The following FGFR2 variants were observed in gnomAD, a reference collection of about 807,000 sequenced individuals.
The protein encoded by FGFR2 is fibroblast growth factor receptor 2, also known as BEK fibroblast growth factor receptor.
FGFR2 carries 19 observed loss-of-function variants against 95.9 expected under a neutral mutation model. The ratio of observed to expected loss-of-function variants is 0.20; its 90% CI spans 0.14 to 0.29. The LOEUF (loss-of-function observed/expected upper bound fraction) is 0.29, where lower values mean the gene tolerates loss of function less well. Ranked by LOEUF, FGFR2 falls within the 10% of genes least tolerant of loss-of-function variation. The probability of loss-of-function intolerance (pLI) is 1.00; values close to 1 mark genes in which losing one functional copy is unlikely to be tolerated. For missense variants in FGFR2, 707 were observed against 1,056.9 expected (o/e 0.67, Z 4.59); for synonymous variants, 392 against 393.3 (o/e 1.00, Z 0.04).
chr10:121,557,363 C>T (rs1856300309), intron 4 of FGFR2, among the ~76,000 whole-genome samples: 1 of 152,186 alleles, frequency 6.6e-6, no homozygotes, highest in Non-Finnish European at 1.5e-5. Flanking sequence ...GGCTGCACTG[C>T]AGTGGTACAA....
chr10:121,480,862 C>CG (rs1844583895), intron 17 of FGFR2, among the ~76,000 whole-genome samples: 1 of 151,798 alleles, frequency 6.6e-6, no homozygotes. Flanking sequence ...TGCCCACAGA[C>CG]GACTTTGTAT....
intron 2 of FGFR2, among the ~76,000 whole-genome samples, chr10:121,582,118 G>T (rs1861025566): frequency 1.3e-5 from 2 of 152,004 alleles, no homozygotes; most frequent in East Asian, 1.9e-4. Flanking sequence ...TTTTAGTAGA[G>T]ACCACGTTTC....
chr10:121,562,612 T>G (rs78910127), intron 4 of FGFR2, among the ~76,000 whole-genome samples: 10,753 of 151,602 alleles, frequency 0.071, 1,276 homozygotes, highest in African/African-American at 0.25. Flanking sequence ...GGTAAACGGG[T>G]AAATAAACTT....
intron 2 of FGFR2, among the ~76,000 whole-genome samples, chr10:121,585,885 G>T (rs907530480): frequency 3.3e-5 from 5 of 152,238 alleles, no homozygotes; most frequent in African/African-American, 1.2e-4. Context: ...AGGAGGCTTA[G>T]CAGGACAAGA....
intron 4 of FGFR2, among the ~76,000 whole-genome samples, chr10:121,559,132 A>C (rs1234081162): frequency 1.3e-5 from 2 of 151,014 alleles, no homozygotes; most frequent in African/African-American, 4.8e-5. Flanking sequence ...AAAAAAAAAA[A>C]ACTCAAAAAA....
rs3135753 is a variant in FGFR2 at position 121,521,144 on chromosome 10, T to C, written c.749-975A>G. Among the ~76,000 whole-genome samples the C allele has an allele frequency of 4.0e-3, 605 of 152,354 alleles. 2 individuals carry two copies. Among genetic ancestry groups the C allele is most frequent in the Middle Eastern group, 6.8e-3 (2 of 294 alleles). On this transcript the variant is annotated intron_variant, in intron 6 of 17. Transcript: ENST00000358487. Reference sequence around the variant, plus strand: ...TCAGGTGTTACTCTATGCCAGTTACTAAATGCACAAGTAGATGTTTCTTAG... The same window carrying C: ...TCAGGTGTTACTCTATGCCAGTTACCAAATGCACAAGTAGATGTTTCTTAG...
At chr10:121,551,265 T>A (rs2134826532) in intron 5 of FGFR2, 25 bp downstream of exon 5, 1 of 1,612,262 alleles carries the variant, frequency 6.2e-7, no homozygotes, top group Non-Finnish European at 8.5e-7. Context: ...GTAAGAAATG[T>A]GATGTTCTGA....
At chr10:121,576,496 G>T (rs1859789310) in intron 2 of FGFR2, among the ~76,000 whole-genome samples, 1 of 152,216 alleles carries the variant, frequency 6.6e-6, no homozygotes. Context: ...CAAAAGGCAT[G>T]TGGGGGGCTC....
chr10:121,574,223 G>C (rs184249956), intron 2 of FGFR2, among the ~76,000 whole-genome samples: 24 of 152,234 alleles, frequency 1.6e-4, no homozygotes, highest in African/African-American at 5.8e-4. Flanking sequence ...GAACTTATCA[G>C]CAGAAAGAAA....
In FGFR2 at chr10:121,517,513, T is replaced by C. The variant is rs1564913967; in HGVS notation, c.940-50A>G. On this transcript the variant is annotated intron_variant, in intron 7 of 17. Coordinates refer to ENST00000358487, the MANE Select transcript of FGFR2 (RefSeq NM_000141.5). This position sits in a 1 kb window ranked among gnomAD's most constrained non-coding sequence, Gnocchi z 4.7. ...AAAGGCTAGACGACACAGGAATGAT[T>C]GTGGAGGGGGCTGTGGAACCACAAG... is the stretch of plus-strand genomic sequence containing the variant. 6 of 1,612,712 alleles carry C rather than the reference T, an allele frequency of 3.7e-6. No individual in the cohort carries two copies. Among genetic ancestry groups the C allele is most frequent in the Non-Finnish European group, 5.1e-6 (6 of 1,179,192 alleles).
chr10:121,485,445 C>T lies in FGFR2; in HGVS notation c.2145G>A (p.Leu715=), dbSNP rs1177367694. Residue 715 remains leucine (L), a synonymous_variant, in exon 16 of 18, where the codon CTG becomes CTA. Transcript: ENST00000358487. The surrounding 1 kb of genome is among the most constrained non-coding windows in gnomAD (Gnocchi z 4.2). The part of the protein sequence containing the change: ...PGIPVEELFK[L]LKEGHRMDKP... ...TATCCATTCTGTGTCCTTCCTTCAG[C>T]AGCTTAAAAAGTTCCTCCACGGGAA... The T allele has an allele frequency of 1.2e-6, 2 of 1,614,038 alleles. No individual in the cohort carries two copies. The highest frequency in any genetic ancestry group is 2.7e-5 in the African/African-American group (2 of 74,920).
chr10:121,569,732 G>C (rs1858295806), intron 2 of FGFR2, among the ~76,000 whole-genome samples: 1 of 152,138 alleles, frequency 6.6e-6, no homozygotes, highest in African/African-American at 2.4e-5. Flanking sequence ...TAAAAATCAA[G>C]CCATCCTGTC....
At chr10:121,484,256 T>C (rs762358617) in intron 16 of FGFR2, among the ~76,000 whole-genome samples, 1 of 152,084 alleles carries the variant, frequency 6.6e-6, no homozygotes, top group Non-Finnish European at 1.5e-5. Flanking sequence ...CACAGCTTCC[T>C]GAGTTAAAAA....
chr10:121,482,121 G>A (rs2133735173), intron 17 of FGFR2: 2 of 1,588,738 alleles, frequency 1.3e-6, no homozygotes, highest in Admixed American at 1.7e-5. Context: ...ACAGGCATGA[G>A]CCACTGCGCC....
At chr10:121,589,403 T>C (rs1038400501) in intron 2 of FGFR2, among the ~76,000 whole-genome samples, 2 of 152,268 alleles carry the variant, frequency 1.3e-5, no homozygotes, top group African/African-American at 4.8e-5. Flanking sequence ...ATTTGTTAAG[T>C]CTGATATTAA....
intron 13 of FGFR2, among the ~76,000 whole-genome samples, chr10:121,489,459 C>A (rs1845853940): frequency 6.6e-6 from 1 of 152,158 alleles, no homozygotes; most frequent in South Asian, 2.1e-4. Flanking sequence ...TGGCTCTTCT[C>A]TTTTTCTGTC....
At chr10:121,499,508 T>C (rs1847310050) in intron 11 of FGFR2, among the ~76,000 whole-genome samples, 1 of 152,240 alleles carries the variant, frequency 6.6e-6, no homozygotes, top group South Asian at 2.1e-4. Flanking sequence ...AGCCGTGGGC[T>C]GTAAGAAAGG....
chr10:121,536,410 T>C (rs1211973079), intron 6 of FGFR2, among the ~76,000 whole-genome samples: 1 of 152,166 alleles, frequency 6.6e-6, no homozygotes, highest in Non-Finnish European at 1.5e-5. Context: ...ATTGTGTCAT[T>C]ATTGGCCCGT....
chr10:121,573,094 G>C (rs1169919388), intron 2 of FGFR2, among the ~76,000 whole-genome samples: 1 of 152,208 alleles, frequency 6.6e-6, no homozygotes, highest in Non-Finnish European at 1.5e-5. Flanking sequence ...ACTTTACGTT[G>C]CCAAACCAGC....
Sources: allele counts gnomAD v4.1 joint callset (sites outside exome capture counted in the v4.1 genomes callset), GRCh38; gene constraint gnomAD v4.1.1; non-coding constraint Gnocchi (gnomAD v3.1); transcripts MANE v1.5; gene names NCBI Gene and HGNC (gene_info 2026-07-23, HGNC 2026-07-21).